The following SERPINI1 variants were observed in gnomAD, a reference collection of about 807,000 sequenced individuals.
SERPINI1 encodes the protein serpin family I member 1.
In SERPINI1, 19 loss-of-function variants were observed where a neutral mutation model predicts 41.1. That is an observed-to-expected ratio of 0.46 (90% CI 0.32 to 0.68). SERPINI1 has a LOEUF of 0.68. Ranked by LOEUF, SERPINI1 falls within the 30% of genes least tolerant of loss-of-function variation. The pLI is 0.03. For missense variants in SERPINI1, 460 were observed against 479.2 expected (o/e 0.96, Z 0.37); for synonymous variants, 138 against 156.6 (o/e 0.88, Z 0.89).
At chr3:167,746,479 T>TA (rs1262096764) in intron 1 of SERPINI1, among the ~76,000 whole-genome samples, 1 of 152,154 alleles carries the variant, frequency 6.6e-6, no homozygotes, top group Non-Finnish European at 1.5e-5. Context: ...ATAAGCCATA[T>TA]AATGGGAGAA....
chr3:167,766,699 C>A (rs1384535998), intron 1 of SERPINI1, among the ~76,000 whole-genome samples: 4 of 152,188 alleles, frequency 2.6e-5, no homozygotes, highest in Non-Finnish European at 4.4e-5. Flanking sequence ...GTTAAACAGG[C>A]CTATTGCTGA....
Position 167,789,390 on chromosome 3 carries a change from C to A in SERPINI1, c.250+12C>A. 6.2e-7 allele frequency: 1 copy of A among 1,613,848 alleles called. No individual in the cohort carries two copies. The highest frequency in any genetic ancestry group is 1.1e-5 in the South Asian group (1 of 91,062). On this transcript the variant is annotated intron_variant, in intron 2 of 8. Coordinates refer to ENST00000446050, the MANE Select transcript of SERPINI1 (RefSeq NM_001122752.2). ...CAGCCTAAAAAATGGTAAGAGTGAT[C>A]AGGTTTGATTTCTCAAGACTTTTGA...
At chr3:167,752,940 T>G (rs1726088291) in intron 1 of SERPINI1, among the ~76,000 whole-genome samples, 1 of 152,146 alleles carries the variant, frequency 6.6e-6, no homozygotes, top group Admixed American at 6.5e-5. Flanking sequence ...AATAGGTCCC[T>G]GTTATTCTTT....
At chr3:167,739,111 C>CTTT (rs79245847) in intron 1 of SERPINI1, among the ~76,000 whole-genome samples, 3 of 115,604 alleles carry the variant, frequency 2.6e-5, no homozygotes, top group Non-Finnish European at 3.8e-5. Flanking sequence ...TTTGTTGTTT[C>CTTT]TTTTTTTTTT....
At chr3:167,812,784 A>G (rs1711937738) in intron 6 of SERPINI1, among the ~76,000 whole-genome samples, 1 of 152,182 alleles carries the variant, frequency 6.6e-6, no homozygotes, top group African/African-American at 2.4e-5. Flanking sequence ...AATTCCATTA[A>G]CATAAAACAC....
intron 1 of SERPINI1, among the ~76,000 whole-genome samples, chr3:167,771,990 G>A (rs183863965): frequency 1.7e-4 from 26 of 152,322 alleles, no homozygotes; most frequent in Admixed American, 1.5e-3. Context: ...GAAATAGTAC[G>A]AGGCTTGAAG....
intron 1 of SERPINI1, among the ~76,000 whole-genome samples, chr3:167,768,161 C>A (rs1726627248): frequency 6.6e-6 from 1 of 152,140 alleles, no homozygotes; most frequent in Non-Finnish European, 1.5e-5. Context: ...TTGCTACAAC[C>A]ACCCAAACCT....
intron 1 of SERPINI1, among the ~76,000 whole-genome samples, chr3:167,771,615 T>G (rs1726750367): frequency 6.6e-6 from 1 of 152,258 alleles, no homozygotes; most frequent in South Asian, 2.1e-4. Context: ...GTGTTTTACC[T>G]GTTTAACTTT....
intron 1 of SERPINI1, among the ~76,000 whole-genome samples, chr3:167,765,688 T>C (rs1027532263): frequency 1.3e-5 from 2 of 152,248 alleles, no homozygotes; most frequent in Non-Finnish European, 2.9e-5. Context: ...TTCTTTTCTA[T>C]AGCATTGTCA....
intron 5 of SERPINI1, among the ~76,000 whole-genome samples, chr3:167,803,284 A>AAATAAAT (rs1711512530): frequency 1.4e-5 from 2 of 147,656 alleles, no homozygotes; most frequent in South Asian, 2.1e-4. Flanking sequence ...AATAATAATA[A>AAATAAAT]AAATAAATAA....
chr3:167,805,826 G>C (rs11718355), intron 5 of SERPINI1, among the ~76,000 whole-genome samples: 16,448 of 151,994 alleles, frequency 0.11, 976 homozygotes, highest in Non-Finnish European at 0.13. Flanking sequence ...GTTTTTGTCA[G>C]GTTTGTCAAA....
chr3:167,765,920 G>C (rs1231266414), intron 1 of SERPINI1, among the ~76,000 whole-genome samples: 1 of 152,126 alleles, frequency 6.6e-6, no homozygotes, highest in Non-Finnish European at 1.5e-5. Flanking sequence ...CTTTGCTGCA[G>C]TTCCCAATAA....
chr3:167,763,294 G>C (rs528360962), intron 1 of SERPINI1, among the ~76,000 whole-genome samples: 2 of 151,942 alleles, frequency 1.3e-5, no homozygotes, highest in African/African-American at 4.8e-5. Flanking sequence ...TGTAATTATT[G>C]CTCAATTATT....
intron 8 of SERPINI1, 41 bp downstream of exon 8, chr3:167,824,603 C>A: frequency 7.9e-7 from 1 of 1,265,908 alleles, no homozygotes; most frequent in Non-Finnish European, 1.2e-6. Context: ...TAATAGGTCA[C>A]AAAGAACCTC....
At chr3:167,759,404 A>G (rs982052402) in intron 1 of SERPINI1, among the ~76,000 whole-genome samples, 3 of 128,938 alleles carry the variant, frequency 2.3e-5, no homozygotes, top group South Asian at 2.1e-4. Flanking sequence ...AATGTGGTAT[A>G]TATATATATA....
intron 1 of SERPINI1, among the ~76,000 whole-genome samples, chr3:167,748,645 A>C (rs1200204883): frequency 6.6e-6 from 1 of 152,120 alleles, no homozygotes; most frequent in Non-Finnish European, 1.5e-5. Context: ...GATGATGCGG[A>C]TTTGAGGGAA....
chr3:167,816,545 T>C (rs1481085796), intron 6 of SERPINI1, among the ~76,000 whole-genome samples: 32 of 152,248 alleles, frequency 2.1e-4, no homozygotes, highest in Non-Finnish European at 5.9e-5. Flanking sequence ...ACCAGGAAAC[T>C]CCCTCTACTA....
intron 1 of SERPINI1, among the ~76,000 whole-genome samples, chr3:167,781,054 A>G (rs1309595703): frequency 1.3e-5 from 2 of 151,090 alleles, no homozygotes; most frequent in African/African-American, 4.9e-5. Flanking sequence ...GCAAAATTAC[A>G]GATTTCTAAA....
chr3:167,754,947 C>G (rs1215563598), intron 1 of SERPINI1, among the ~76,000 whole-genome samples: 1 of 152,170 alleles, frequency 6.6e-6, no homozygotes, highest in African/African-American at 2.4e-5. Flanking sequence ...GCCTCCTCTT[C>G]CTTCTTTCTT....
Sources: gnomAD v4.1 joint callset for allele counts (sites outside exome capture counted in the v4.1 genomes callset) on GRCh38, gnomAD v4.1.1 for gene constraint, MANE v1.5 for transcripts, NCBI Gene and HGNC (gene_info 2026-07-23, HGNC 2026-07-21) for gene names.